ZNF385D: variants seen among roughly 807,000 people sequenced by gnomAD.
ZNF385D encodes the protein zinc finger protein 385D.
A neutral mutation model predicts 35.8 loss-of-function variants in ZNF385D; 15 were observed. That is an observed-to-expected ratio of 0.42 (90% confidence interval 0.28 to 0.64). The LOEUF is 0.64. Among genes scored for constraint, ZNF385D ranks in the 30% least tolerant of loss-of-function variants. The pLI, the probability that ZNF385D is intolerant of heterozygous loss-of-function variation, is 0.23. For missense variants in ZNF385D, 474 were observed against 494.6 expected (o/e 0.96, Z 0.39); for synonymous variants, 212 against 186.8 (o/e 1.13, Z -1.10).
chr3:22,179,694 G>A (rs567762161), intron 2 of ZNF385D, among the ~76,000 whole-genome samples: 1 of 152,216 alleles, frequency 6.6e-6, no homozygotes, highest in South Asian at 2.1e-4. Flanking sequence ...TCCAGTTTTT[G>A]CCCATTCAAT....
At chr3:21,760,804 T>C (rs1320288) in intron 3 of ZNF385D, among the ~76,000 whole-genome samples, 58,647 of 152,030 alleles carry the variant, frequency 0.39, 11,393 homozygotes, top group Middle Eastern at 0.53. Context: ...CAAATGATAA[T>C]TCAATGGTAG....
rs558459505 is a variant in ZNF385D, at chr3:22,314,578, T to A, written c.106+57872A>T. On this transcript the variant is annotated intron_variant, in intron 2 of 5. Transcript: ENST00000494108. ...CCCTAATTTTCTTCTACCCAGGATATTAAGGAATAAGATTGTTTCACGTAG... is the reference window on the plus strand; with the variant it reads ...CCCTAATTTTCTTCTACCCAGGATAATAAGGAATAAGATTGTTTCACGTAG... Among the ~76,000 whole-genome samples, 4 of 152,236 alleles carry A rather than the reference T, an allele frequency of 2.6e-5. No individual in the cohort carries two copies. The South Asian group carries it at 8.3e-4, about 32-fold the overall frequency.
At chr3:21,922,912 A>G (rs1407508318) in intron 3 of ZNF385D, among the ~76,000 whole-genome samples, 1 of 152,236 alleles carries the variant, frequency 6.6e-6, no homozygotes, top group African/African-American at 2.4e-5. Context: ...TGGAATCTAT[A>G]GGGAACTTCA....
chr3:22,118,090 T>A (rs1401374182), intron 3 of ZNF385D, among the ~76,000 whole-genome samples: 4 of 152,080 alleles, frequency 2.6e-5, no homozygotes, highest in Admixed American at 6.6e-5. Flanking sequence ...TTTTATGAAA[T>A]GTCATAAAAT....
intron 4 of ZNF385D, among the ~76,000 whole-genome samples, chr3:21,479,922 C>T (rs1029160127): frequency 1.3e-5 from 2 of 152,022 alleles, no homozygotes; most frequent in African/African-American, 4.8e-5. Context: ...CAGATTATTC[C>T]TTTTGGTCTG....
chr3:21,648,347 G>C (rs962843312), intron 2 of ZNF385D, among the ~76,000 whole-genome samples: 1 of 152,054 alleles, frequency 6.6e-6, no homozygotes, highest in South Asian at 2.1e-4. Context: ...GGTTTCCTGA[G>C]GCCTCCTCCA....
intron 1 of ZNF385D, among the ~76,000 whole-genome samples, chr3:21,732,732 C>T (rs546535190): frequency 2.0e-4 from 31 of 152,282 alleles, no homozygotes; most frequent in African/African-American, 7.2e-4. Flanking sequence ...ACTTTTTAAT[C>T]AGGTTGTTTG....
At chr3:22,132,087 A>C (rs1018641040) in intron 3 of ZNF385D, among the ~76,000 whole-genome samples, 1 of 152,186 alleles carries the variant, frequency 6.6e-6, no homozygotes, top group South Asian at 2.1e-4. Context: ...GTATATGCAA[A>C]GAAGTGATTA....
intron 3 of ZNF385D, among the ~76,000 whole-genome samples, chr3:21,551,408 C>G (rs1441851377): frequency 1.3e-5 from 2 of 152,190 alleles, no homozygotes; most frequent in Admixed American, 1.3e-4. Flanking sequence ...TATGTCTCTT[C>G]TACCTCTAAA....
At chr3:21,553,715 C>T (rs1284856308) in intron 3 of ZNF385D, among the ~76,000 whole-genome samples, 1 of 152,220 alleles carries the variant, frequency 6.6e-6, no homozygotes, top group Non-Finnish European at 1.5e-5. Flanking sequence ...AAGCCTGCCA[C>T]TGCTCTGTCA....
intron 2 of ZNF385D, among the ~76,000 whole-genome samples, chr3:22,200,884 G>A (rs1023177026): frequency 1.3e-5 from 2 of 152,122 alleles, no homozygotes; most frequent in African/African-American, 2.4e-5. Flanking sequence ...CTCACCAGCG[G>A]TCAGAGTGTA....
At chr3:21,588,077 C>A (rs2063863167) in intron 2 of ZNF385D, among the ~76,000 whole-genome samples, 1 of 152,104 alleles carries the variant, frequency 6.6e-6, no homozygotes. Flanking sequence ...AGATAAAGTT[C>A]CTGGTCTCAA....
At chr3:21,574,818 T>C (rs1045916145) in intron 2 of ZNF385D, among the ~76,000 whole-genome samples, 1 of 152,110 alleles carries the variant, frequency 6.6e-6, no homozygotes, top group Non-Finnish European at 1.5e-5. Flanking sequence ...GTTAATAATA[T>C]ACATGCATCA....
At chr3:21,930,583 T>G (rs1700957903) in intron 3 of ZNF385D, among the ~76,000 whole-genome samples, 1 of 152,046 alleles carries the variant, frequency 6.6e-6, no homozygotes, top group Admixed American at 6.6e-5. Context: ...TTGTCAAAAT[T>G]TTACTATAAA....
chr3:22,256,382 ACTG>A (rs1700319071), intron 2 of ZNF385D, among the ~76,000 whole-genome samples: 1 of 151,688 alleles, frequency 6.6e-6, no homozygotes, highest in African/African-American at 2.4e-5. Context: ...ATATTTCAAC[ACTG>A]CTAATAGGAG....
intron 3 of ZNF385D, among the ~76,000 whole-genome samples, chr3:21,866,314 C>T (rs1697357609): frequency 6.6e-6 from 1 of 151,950 alleles, no homozygotes; most frequent in East Asian, 1.9e-4. Flanking sequence ...ATTAGCTGGG[C>T]ATGGTGGCGT....
At chr3:21,747,906 TG>T (rs1288644536) in intron 1 of ZNF385D, among the ~76,000 whole-genome samples, 2 of 152,166 alleles carry the variant, frequency 1.3e-5, no homozygotes, top group Admixed American at 6.5e-5. Context: ...AAAACATTGA[TG>T]GGGGTGGGAG....
In ZNF385D at chr3:21,412,613, T is replaced by C. The variant is rs890956616; in HGVS notation, c.*8601A>G. The C allele has an allele frequency of 3.9e-5, 6 of 152,088 alleles. No homozygotes were observed. The highest frequency in any genetic ancestry group is 1.2e-4 in the African/African-American group (5 of 41,434). 9.4% of individuals were successfully genotyped at this position (152,088 alleles called of 1,614,324 possible). ...CACCACTGGCAATATTACATTTACC[T>C]GGACAATTTTGATATTGTCAAAGAG... On this transcript the variant is annotated 3_prime_UTR_variant, in exon 8 of 8. Coordinates refer to ENST00000281523, the MANE Select transcript of ZNF385D (RefSeq NM_024697.3).
chr3:22,337,395 G>A (rs759440333), intron 2 of ZNF385D, among the ~76,000 whole-genome samples: 10 of 152,062 alleles, frequency 6.6e-5, no homozygotes, highest in African/African-American at 1.2e-4. Context: ...TTAGCTTGGC[G>A]TGGTGGCGCA....
Sources: allele counts gnomAD v4.1 joint callset (sites outside exome capture counted in the v4.1 genomes callset), GRCh38; gene constraint gnomAD v4.1.1; transcripts MANE v1.5; gene names NCBI Gene and HGNC (gene_info 2026-07-23, HGNC 2026-07-21).